Variants in SCFD1 observed in about 807,000 individuals in gnomAD.
SCFD1 encodes the protein sec1 family domain containing 1.
A neutral mutation model predicts 103.2 loss-of-function variants in SCFD1; 37 were observed. The ratio of observed to expected loss-of-function variants is 0.36; its 90% CI spans 0.28 to 0.47. The LOEUF (loss-of-function observed/expected upper bound fraction) is 0.47, where lower values mean the gene tolerates loss of function less well. SCFD1 is among the 20% of genes least tolerant of loss of function. The pLI, the probability that SCFD1 is intolerant of heterozygous loss-of-function variation, is 1.00. For synonymous variants in SCFD1, 264 were observed against 245.0 expected, an observed-to-expected ratio of 1.08 and a Z score of -0.73; for missense variants, 639 against 761.2, an observed-to-expected ratio of 0.84 and a Z score of 1.89.
chr14:30,692,068 G>A (rs895382666), intron 14 of SCFD1, among the ~76,000 whole-genome samples: 1 of 151,970 alleles, frequency 6.6e-6, no homozygotes, highest in Non-Finnish European at 1.5e-5. Context: ...CTACAGGAAT[G>A]TGCCACTGCA....
intron 16 of SCFD1, 50 bp from the exon 17 acceptor site, chr14:30,702,246 T>A (rs1891129366): frequency 8.3e-7 from 1 of 1,210,278 alleles, no homozygotes. Context: ...ACAAATAACA[T>A]CTTTCTTGAA....
intron 1 of SCFD1, among the ~76,000 whole-genome samples, chr14:30,627,283 A>G (rs552301757): frequency 1.2e-4 from 19 of 152,220 alleles, no homozygotes; most frequent in Non-Finnish European, 2.1e-4. Context: ...GTTATCTACT[A>G]TATGGGAAAG....
chr14:30,682,122 C>T (rs1238867983), intron 14 of SCFD1, among the ~76,000 whole-genome samples: 1 of 152,024 alleles, frequency 6.6e-6, no homozygotes, highest in East Asian at 1.9e-4. Context: ...TCCTGGAATG[C>T]TAGAAATTCA....
intron 3 of SCFD1, among the ~76,000 whole-genome samples, chr14:30,631,158 C>G (rs1396993461): frequency 6.6e-6 from 1 of 152,066 alleles, no homozygotes; most frequent in African/African-American, 2.4e-5. Flanking sequence ...TCGAGACCAG[C>G]CTGGTCACGT....
chr14:30,665,557 A>G (rs1318577534), intron 10 of SCFD1, among the ~76,000 whole-genome samples: 3 of 152,150 alleles, frequency 2.0e-5, no homozygotes, highest in Admixed American at 6.5e-5. Context: ...AACCTTAAAC[A>G]TAAATGGGCT....
chr14:30,692,025 A>G (rs1890350638), intron 14 of SCFD1, among the ~76,000 whole-genome samples: 1 of 151,836 alleles, frequency 6.6e-6, no homozygotes, highest in Admixed American at 6.6e-5. Flanking sequence ...GGCTCAAGCG[A>G]TCCTCTCACC....
At chr14:30,728,823 T>A (rs1675396422) in intron 23 of SCFD1, among the ~76,000 whole-genome samples, 1 of 151,532 alleles carries the variant, frequency 6.6e-6, no homozygotes, top group South Asian at 2.1e-4. Flanking sequence ...AAATGTCTGT[T>A]TAGATCCTTT....
At chr14:30,695,525 G>T (rs1445124566) in intron 15 of SCFD1, among the ~76,000 whole-genome samples, 5 of 151,796 alleles carry the variant, frequency 3.3e-5, no homozygotes, top group Non-Finnish European at 5.9e-5. Context: ...GGGATGAAGG[G>T]AACAAAAAAA....
chr14:30,697,142 A>G (rs1489395935), intron 15 of SCFD1, among the ~76,000 whole-genome samples: 1 of 152,200 alleles, frequency 6.6e-6, no homozygotes, highest in African/African-American at 2.4e-5. Context: ...ATGCCCAACT[A>G]GTAAAGATGC....
chr14:30,691,197 T>A (rs1425207057), intron 14 of SCFD1, among the ~76,000 whole-genome samples: 3 of 152,228 alleles, frequency 2.0e-5, no homozygotes, highest in Non-Finnish European at 2.9e-5. Context: ...CAAATACATG[T>A]TTCTGTATGT....
chr14:30,697,082 A>T (rs1170344715), intron 15 of SCFD1, among the ~76,000 whole-genome samples: 1 of 152,116 alleles, frequency 6.6e-6, no homozygotes, highest in African/African-American at 2.4e-5. Context: ...GGGGCGGTGT[A>T]TACTCATGTA....
intron 14 of SCFD1, among the ~76,000 whole-genome samples, chr14:30,692,129 A>G (rs75046917): frequency 0.013 from 1,935 of 152,054 alleles, 46 homozygotes; most frequent in African/African-American, 0.045. Flanking sequence ...TAGATTCTTT[A>G]CGTTTTCCAC....
chr14:30,645,394 G>A (rs1233577283), intron 7 of SCFD1, among the ~76,000 whole-genome samples: 2 of 152,148 alleles, frequency 1.3e-5, no homozygotes, highest in Non-Finnish European at 2.9e-5. Context: ...AGTTTGGTAG[G>A]AATAGCACTG....
chr14:30,676,523 T>C (rs1889048895), intron 14 of SCFD1: 1 of 152,152 alleles, frequency 6.6e-6, no homozygotes, highest in Admixed American at 6.5e-5. Context: ...TGAGGTGATG[T>C]TTGAGTTGAG....
chr14:30,722,527 A>C lies in SCFD1; in HGVS notation c.1804A>C (p.Ile602Leu). 1 of 1,604,084 alleles carries C rather than the reference A, an allele frequency of 6.2e-7. No individual in the cohort carries two copies. ...TTTTGTGGTGGGAGGAGGCAACTAC[A>C]TTGAATATCAGAATCTTGTTGACTA... is the stretch of plus-strand genomic sequence containing the variant. ...IVFVVGGGNY[I>L]EYQNLVDYIK... is the part of the protein sequence containing the mutation. The change falls in exon 23 of 25, where the codon ATT becomes CTT. Residue 602 changes from isoleucine (I) to leucine (L), a missense_variant. By Grantham distance (5) the Ile-to-Leu change is conservative. Coordinates refer to ENST00000458591, the MANE Select transcript of SCFD1 (RefSeq NM_016106.4).
At chr14:30,695,804 C>T (rs975919954) in intron 15 of SCFD1, among the ~76,000 whole-genome samples, 3 of 151,866 alleles carry the variant, frequency 2.0e-5, no homozygotes, top group Non-Finnish European at 4.4e-5. Flanking sequence ...CCTAGGAGTA[C>T]GATGTTGCAG....
intron 21 of SCFD1, among the ~76,000 whole-genome samples, chr14:30,721,481 A>G (rs1011208738): frequency 2.7e-5 from 4 of 150,788 alleles, no homozygotes; most frequent in South Asian, 2.1e-4. Context: ...ATGTATTTAT[A>G]TAGTTTTTCC....
intron 8 of SCFD1, 128 bp downstream of exon 8, chr14:30,649,711 T>A (rs1322996092): frequency 4.5e-6 from 3 of 659,654 alleles, no homozygotes; most frequent in Non-Finnish European, 2.6e-6. Flanking sequence ...TAGCAAATAT[T>A]TTTATTTTAT....
intron 14 of SCFD1, chr14:30,675,334 C>T (rs1013296668): frequency 8.7e-5 from 21 of 241,856 alleles, no homozygotes; most frequent in Non-Finnish European, 1.6e-4. Context: ...AATATCACTG[C>T]TGTACATACT....
Sources: gnomAD v4.1 joint callset for allele counts (sites outside exome capture counted in the v4.1 genomes callset) on GRCh38, gnomAD v4.1.1 for gene constraint, MANE v1.5 for transcripts, NCBI Gene and HGNC (gene_info 2026-07-23, HGNC 2026-07-21) for gene names.